Variants in SLC24A2 observed in about 807,000 individuals in gnomAD.
SLC24A2 encodes the protein sodium/potassium/calcium exchanger 2.
Under a neutral mutation model 62.0 loss-of-function variants are expected in SLC24A2, and 36 were observed. The observed-to-expected ratio is 0.58, with a 90% CI of 0.44 to 0.77. The LOEUF (loss-of-function observed/expected upper bound fraction) is 0.77, where lower values mean the gene tolerates loss of function less well. Among genes scored for constraint, SLC24A2 ranks in the 30% least tolerant of loss-of-function variants. The pLI, the probability that SLC24A2 is intolerant of heterozygous loss-of-function variation, is 0.00. For missense variants in SLC24A2, 846 were observed against 817.9 expected (o/e 1.03, Z -0.42); for synonymous variants, 358 against 294.0 (o/e 1.22, Z -2.23).
intron 2 of SLC24A2, among the ~76,000 whole-genome samples, chr9:19,706,811 C>T (rs1288608408): frequency 5.3e-5 from 8 of 151,778 alleles, no homozygotes; most frequent in Non-Finnish European, 1.0e-4. Flanking sequence ...CAGGAAAGAT[C>T]CAAAATTGAC....
the SLC24A2 span, among the ~76,000 whole-genome samples, chr9:19,990,630 C>A: frequency 1.5e-3 from 175 of 116,380 alleles, no homozygotes; most frequent in African/African-American, 4.9e-3. Flanking sequence ...AAAAAAAAAA[C>A]AAAACAAAAA....
At chr9:20,300,248 T>C in the SLC24A2 span, among the ~76,000 whole-genome samples, 1 of 152,188 alleles carries the variant, frequency 6.6e-6, no homozygotes, top group African/African-American at 2.4e-5. Context: ...TGAGCATTTA[T>C]CCTTTGTGTT....
the SLC24A2 span, among the ~76,000 whole-genome samples, chr9:19,802,738 C>T: frequency 6.6e-6 from 1 of 152,078 alleles, no homozygotes; most frequent in Non-Finnish European, 1.5e-5. Context: ...AAATAATGGT[C>T]AGTTTTAGGC....
the SLC24A2 span, among the ~76,000 whole-genome samples, chr9:20,088,593 T>C: frequency 1.3e-5 from 2 of 152,304 alleles, no homozygotes; most frequent in Admixed American, 6.5e-5. Flanking sequence ...TGGGCCACCA[T>C]CTTCGCTGTT....
the SLC24A2 span, among the ~76,000 whole-genome samples, chr9:19,896,568 T>C: frequency 1.3e-5 from 2 of 152,178 alleles, no homozygotes; most frequent in African/African-American, 4.8e-5. Flanking sequence ...AAAGTACAAC[T>C]GGTATCATCA....
intron 6 of SLC24A2, among the ~76,000 whole-genome samples, chr9:19,575,544 T>C (rs1211623137): frequency 2.6e-5 from 4 of 152,172 alleles, no homozygotes; most frequent in African/African-American, 9.7e-5. Context: ...TAAAAGAAAA[T>C]ATGAAAATAA....
At chr9:20,193,788 A>C in the SLC24A2 span, among the ~76,000 whole-genome samples, 1 of 152,106 alleles carries the variant, frequency 6.6e-6, no homozygotes, top group Non-Finnish European at 1.5e-5. Context: ...TTATTTGTAA[A>C]TTCAATGACT....
At chr9:20,251,111 C>A in the SLC24A2 span, among the ~76,000 whole-genome samples, 4 of 152,198 alleles carry the variant, frequency 2.6e-5, no homozygotes, top group African/African-American at 9.7e-5. Flanking sequence ...GCACATCTTC[C>A]TTTATATGAC....
Position 19,650,822 on chromosome 9 carries a change from A to AGTGT in SLC24A2, c.931-28527_931-28524dup, listed in dbSNP as rs61576823. On this transcript the variant is annotated intron_variant, in intron 2 of 10. Transcript: ENST00000341998. ...ACAGGCATTGTAAACATCAGCTTCT[A>AGTGT]GTGTGTGTGTGTGTGTGTGTGTGTG... Among the ~76,000 whole-genome samples the AGTGT allele has an allele frequency of 7.8e-3, 1,170 of 149,182 alleles. 7 individuals carry two copies. Among genetic ancestry groups the AGTGT allele is most frequent in the Admixed American group, 7.7e-3 (116 of 15,002 alleles).
the SLC24A2 span, among the ~76,000 whole-genome samples, chr9:20,129,033 A>G: frequency 6.6e-6 from 1 of 152,088 alleles, no homozygotes; most frequent in Non-Finnish European, 1.5e-5. Flanking sequence ...TTTTCAAATA[A>G]TATCTCTCAT....
the SLC24A2 span, among the ~76,000 whole-genome samples, chr9:20,000,489 A>G: frequency 6.6e-6 from 1 of 152,218 alleles, no homozygotes; most frequent in African/African-American, 2.4e-5. Context: ...TCTATCTTCA[A>G]AAAGTTTATC....
chr9:19,694,027 G>T (rs958015526), intron 2 of SLC24A2, among the ~76,000 whole-genome samples: 1 of 151,652 alleles, frequency 6.6e-6, no homozygotes, highest in Non-Finnish European at 1.5e-5. Flanking sequence ...AATTCTCACT[G>T]CTAAGACAAA....
the SLC24A2 span, among the ~76,000 whole-genome samples, chr9:20,244,227 C>T: frequency 2.6e-5 from 4 of 152,082 alleles, no homozygotes; most frequent in East Asian, 3.9e-4. Context: ...CCGGTTAAAA[C>T]GTGTGCCTTT....
chr9:20,141,120 AG>A, the SLC24A2 span, among the ~76,000 whole-genome samples: 1 of 152,138 alleles, frequency 6.6e-6, no homozygotes, highest in Non-Finnish European at 1.5e-5. Flanking sequence ...TGGCTGTGTA[AG>A]CTTGGGCAAG....
chr9:20,180,759 G>A, the SLC24A2 span, among the ~76,000 whole-genome samples: 1 of 152,174 alleles, frequency 6.6e-6, no homozygotes, highest in Non-Finnish European at 1.5e-5. Context: ...AGCCATGTAG[G>A]TTTGCTCCTC....
chr9:20,253,318 T>C, the SLC24A2 span, among the ~76,000 whole-genome samples: 1,493 of 152,360 alleles, frequency 9.8e-3, 31 homozygotes, highest in African/African-American at 0.033. Flanking sequence ...TACAAGACTT[T>C]ATCAAAGCAT....
At chr9:19,899,326 A>C in the SLC24A2 span, among the ~76,000 whole-genome samples, 1 of 152,184 alleles carries the variant, frequency 6.6e-6, no homozygotes, top group Admixed American at 6.5e-5. Flanking sequence ...TTGCAACTGG[A>C]TGGAAACTGG....
chr9:19,669,921 T>A (rs908759217), intron 2 of SLC24A2, among the ~76,000 whole-genome samples: 1 of 152,260 alleles, frequency 6.6e-6, no homozygotes, highest in Non-Finnish European at 1.5e-5. Context: ...GCCATCATTC[T>A]GTCTACCACA....
chr9:20,197,635 T>C, the SLC24A2 span, among the ~76,000 whole-genome samples: 1 of 152,172 alleles, frequency 6.6e-6, no homozygotes, highest in South Asian at 2.1e-4. Flanking sequence ...TTTTACCGTG[T>C]TGGCCAAGCT....
Sources: gnomAD v4.1 joint callset for allele counts (sites outside exome capture counted in the v4.1 genomes callset) on GRCh38, gnomAD v4.1.1 for gene constraint, MANE v1.5 for transcripts, NCBI Gene and HGNC (gene_info 2026-07-23, HGNC 2026-07-21) for gene names.